Variants in CCDC186 observed in about 807,000 individuals in gnomAD.
CCDC186 encodes coiled-coil domain-containing protein 186.
CCDC186 carries 49 observed loss-of-function variants against 113.7 expected under a neutral mutation model. That is an observed-to-expected ratio of 0.43 (90% CI 0.34 to 0.55). The LOEUF is 0.55. Ranked by LOEUF, CCDC186 falls within the 20% of genes least tolerant of loss-of-function variation. The probability of loss-of-function intolerance (pLI) is 0.02; values close to 1 mark genes in which losing one functional copy is unlikely to be tolerated. For missense variants in CCDC186, 890 were observed against 1,011.1 expected (o/e 0.88, Z 1.62); for synonymous variants, 355 against 345.8 (o/e 1.03, Z -0.30).
At chr10:114,135,301 C>T (rs554064163) in intron 9 of CCDC186, among the ~76,000 whole-genome samples, 1 of 152,150 alleles carries the variant, frequency 6.6e-6, no homozygotes, top group South Asian at 2.1e-4. Context: ...GAATATATCT[C>T]CTCTACCTCA....
intron 13 of CCDC186, among the ~76,000 whole-genome samples, chr10:114,129,563 G>GTCT (rs1309215718): frequency 1.3e-5 from 2 of 152,058 alleles, no homozygotes; most frequent in Admixed American, 1.3e-4. Flanking sequence ...TTGAGACAGA[G>GTCT]TCTTGCTCTG....
intron 6 of CCDC186, among the ~76,000 whole-genome samples, chr10:114,143,551 A>C (rs945582259): frequency 6.6e-6 from 1 of 152,070 alleles, no homozygotes; most frequent in African/African-American, 2.4e-5. Flanking sequence ...CAGTTCCCTC[A>C]CACATGTGCT....
intron 4 of CCDC186, 21 bp from the exon 5 acceptor site, chr10:114,145,782 A>G: frequency 6.5e-7 from 1 of 1,549,322 alleles, no homozygotes; most frequent in Non-Finnish European, 8.7e-7. Context: ...AATATTACTT[A>G]GCATTAATGA....
chr10:114,160,373 G>A (rs1019473363), intron 2 of CCDC186, among the ~76,000 whole-genome samples: 4 of 152,170 alleles, frequency 2.6e-5, no homozygotes, highest in African/African-American at 9.7e-5. Flanking sequence ...CCAGGGCACA[G>A]GGGGTGAGGG....
At chr10:114,157,398 C>A (rs902668212) in intron 3 of CCDC186, among the ~76,000 whole-genome samples, 156 bp downstream of exon 3, 3 of 147,786 alleles carry the variant, frequency 2.0e-5, no homozygotes, top group African/African-American at 7.5e-5. Flanking sequence ...CACCATGTTG[C>A]CCAGGCTGGT....
At chr10:114,147,384 A>C (rs1442798669) in intron 4 of CCDC186, among the ~76,000 whole-genome samples, 2 of 152,200 alleles carry the variant, frequency 1.3e-5, no homozygotes, top group Non-Finnish European at 2.9e-5. Context: ...CAGGAAGGGT[A>C]AAAGATGCTA....
At chr10:114,145,784 C>A (rs766376839) in intron 4 of CCDC186, 23 bp from the exon 5 acceptor site, 9 of 1,546,920 alleles carry the variant, frequency 5.8e-6, no homozygotes, top group Non-Finnish European at 7.8e-6. Context: ...TATTACTTAG[C>A]ATTAATGAAA....
In CCDC186 at chr10:114,163,144, G is replaced by T. The variant is rs757082958; in HGVS notation, c.125C>A (p.Ser42Tyr). 1.2e-6 allele frequency: 2 copies of T among 1,613,852 alleles called. No homozygotes were observed. Among genetic ancestry groups the T allele is most frequent in the Admixed American group, 3.3e-5 (2 of 59,996 alleles). The change falls in exon 2 of 16, where the codon TCC becomes TAC. Residue 42 changes from serine (S) to tyrosine (Y), a missense_variant. Coordinates refer to ENST00000369287, the MANE Select transcript of CCDC186 (RefSeq NM_018017.4). ...ATCAGTGTTTAATGACAATAGTTTG[G>T]ACTCATTTTCTAATTTGCTGCTTTC... Reference protein sequence around the residue: ...GNESSKLENESKLLSLNTDKT... With the variant: ...GNESSKLENEYKLLSLNTDKT...
intron 14 of CCDC186, 21 bp downstream of exon 14, chr10:114,127,440 T>C (rs2030942162): frequency 2.5e-6 from 4 of 1,604,288 alleles, no homozygotes; most frequent in South Asian, 1.1e-5. Context: ...AGACCGATCA[T>C]GCTACCGTAA....
intron 6 of CCDC186, among the ~76,000 whole-genome samples, chr10:114,140,153 T>C (rs1233754131): frequency 6.6e-6 from 1 of 152,126 alleles, no homozygotes; most frequent in African/African-American, 2.4e-5. Context: ...AATACATAAG[T>C]AAAACATACT....
At chr10:114,159,940 G>A (rs1370117607) in intron 2 of CCDC186, among the ~76,000 whole-genome samples, 1 of 151,974 alleles carries the variant, frequency 6.6e-6, no homozygotes, top group Non-Finnish European at 1.5e-5. Flanking sequence ...TCCAGCTTGG[G>A]CAAGAGAGCA....
chr10:114,167,015 GTTT>G (rs201434736), intron 1 of CCDC186, among the ~76,000 whole-genome samples: 1 of 127,224 alleles, frequency 7.9e-6, no homozygotes, highest in African/African-American at 2.9e-5. Context: ...TTGCAAGCTG[GTTT>G]TTTTTTTTTT....
At chr10:114,130,103 G>T in intron 12 of CCDC186, 132 bp from the exon 13 acceptor site, 1 of 660,154 alleles carries the variant, frequency 1.5e-6, no homozygotes, top group Non-Finnish European at 2.6e-6. Context: ...CATACTTTAG[G>T]CAGAGGGCTA....
intron 11 of CCDC186, 85 bp from the exon 12 acceptor site, chr10:114,131,421 G>T (rs1348428922): frequency 8.5e-7 from 1 of 1,172,506 alleles, no homozygotes; most frequent in African/African-American, 1.6e-5. Context: ...AACAATCTAA[G>T]GTTCTTGACA....
At position 114,163,135 on chromosome 10, in the gene CCDC186, A is replaced by G. The variant is rs763942683; in HGVS notation, c.134T>C (p.Leu45Ser). The change falls in exon 2 of 16, where the codon TTG (leucine) becomes TCG (serine). Residue 45 changes from leucine (L) to serine (S), a missense_variant. Leu to Ser is a moderately radical substitution (Grantham distance 145). Coordinates refer to ENST00000369287, the MANE Select transcript of CCDC186 (RefSeq NM_018017.4). ...TAAAGTTTTATCAGTGTTTAATGAC[A>G]ATAGTTTGGACTCATTTTCTAATTT... ...SSKLENESKL[L>S]SLNTDKTLCQ... 34 of 1,613,896 alleles carry G rather than the reference A, an allele frequency of 2.1e-5. No homozygotes were observed. The South Asian group carries it at 3.4e-4, about 16-fold the overall frequency.
intron 1 of CCDC186, among the ~76,000 whole-genome samples, chr10:114,163,693 A>G (rs895381413): frequency 2.0e-5 from 3 of 152,190 alleles, no homozygotes; most frequent in Non-Finnish European, 4.4e-5. Flanking sequence ...CTCTGTAAAG[A>G]AAAAAAGACT....
chr10:114,133,336 T>C (rs34819494), intron 10 of CCDC186, among the ~76,000 whole-genome samples: 37,777 of 152,060 alleles, frequency 0.25, 5,019 homozygotes, highest in African/African-American at 0.33. Flanking sequence ...GACAGTCACA[T>C]GGATGCTGCA....
chr10:114,127,215 T>C (rs1221873716), intron 14 of CCDC186, among the ~76,000 whole-genome samples: 1 of 152,210 alleles, frequency 6.6e-6, no homozygotes, highest in Non-Finnish European at 1.5e-5. Context: ...TAAAGTTGTT[T>C]AAGTATCTTA....
intron 10 of CCDC186, 93 bp from the exon 11 acceptor site, chr10:114,132,277 A>G: frequency 1.1e-6 from 1 of 892,534 alleles, no homozygotes; most frequent in Admixed American, 3.1e-5. Context: ...AATGCTTAAT[A>G]AAGGTACTTC....
Sources: gnomAD v4.1 joint callset for allele counts (sites outside exome capture counted in the v4.1 genomes callset) on GRCh38, gnomAD v4.1.1 for gene constraint, MANE v1.5 for transcripts, NCBI Gene and HGNC (gene_info 2026-07-23, HGNC 2026-07-21) for gene names.